SVIL: variants seen among roughly 807,000 people sequenced by gnomAD.
SVIL encodes the protein archvillin.
Under a neutral mutation model 240.4 loss-of-function variants are expected in SVIL, and 101 were observed. The observed-to-expected ratio is 0.42, with a 90% confidence interval of 0.36 to 0.50. SVIL has a LOEUF of 0.50. SVIL is among the 20% of genes least tolerant of loss of function. The pLI, the probability that SVIL is intolerant of heterozygous loss-of-function variation, is 0.01. For missense variants in SVIL, 2,512 were observed against 2,818.7 expected (o/e 0.89, Z 2.46); for synonymous variants, 999 against 1,100.0 (o/e 0.91, Z 1.82).
At chr10:29,722,253 G>C (rs1211191384) in intron 1 of SVIL, among the ~76,000 whole-genome samples, 1 of 147,650 alleles carries the variant, frequency 6.8e-6, no homozygotes, top group East Asian at 2.0e-4. Flanking sequence ...AGAAAGAAAA[G>C]AAAGAAAAAA....
intron 1 of SVIL, among the ~76,000 whole-genome samples, chr10:29,608,501 C>T (rs1199618136): frequency 2.0e-5 from 3 of 152,250 alleles, no homozygotes; most frequent in Admixed American, 6.5e-5. Context: ...AGCTGCCCAG[C>T]CGTGGACCTG....
chr10:29,609,717 C>T lies in SVIL; in HGVS notation c.-201+24703G>A, dbSNP rs374923773. On this transcript the variant is annotated intron_variant, in intron 1 of 37. Coordinates refer to ENST00000355867, the MANE Select transcript of SVIL (RefSeq NM_021738.3). ...TGTGGCACATCTGGTCCAGCCACAG[C>T]CTCAAAGGGAGCTGGCATATGGAGC... Among the ~76,000 whole-genome samples, 72 of 152,370 alleles carry T rather than the reference C, an allele frequency of 4.7e-4. No homozygotes were observed. In the South Asian group the frequency reaches 9.1e-3, roughly 19 times the overall value.
chr10:29,574,957 GAA>G (rs1955622661), intron 1 of SVIL, among the ~76,000 whole-genome samples: 1 of 152,230 alleles, frequency 6.6e-6, no homozygotes, highest in Non-Finnish European at 1.5e-5. Context: ...GGCTCAGAGA[GAA>G]GTCAGTGTCC....
intron 1 of SVIL, among the ~76,000 whole-genome samples, chr10:29,569,799 TAAAA>T: frequency 6.6e-6 from 1 of 152,008 alleles, no homozygotes; most frequent in Non-Finnish European, 1.5e-5. Flanking sequence ...TTGCTCTCAT[TAAAA>T]TCTACACAAT....
intron 3 of SVIL, among the ~76,000 whole-genome samples, chr10:29,640,759 T>G (rs1351044688): frequency 6.6e-6 from 1 of 152,128 alleles, no homozygotes; most frequent in Non-Finnish European, 1.5e-5. Flanking sequence ...AACCTTCCTC[T>G]CTCCTTCCAC....
At chr10:29,584,672 C>A (rs1175880757) in intron 1 of SVIL, among the ~76,000 whole-genome samples, 2 of 152,212 alleles carry the variant, frequency 1.3e-5, no homozygotes, top group Non-Finnish European at 2.9e-5. Flanking sequence ...TAACCTGCGG[C>A]CTTCCCATGG....
At position 29,531,217 on chromosome 10, in the gene SVIL, A is replaced by G. The variant is rs536078343; in HGVS notation, c.2044+37T>C. On this transcript the variant is annotated intron_variant, in intron 10 of 37. Coordinates refer to ENST00000355867, the MANE Select transcript of SVIL (RefSeq NM_021738.3). ...TATTATTAAATCCAGTCTAGATGAG[A>G]TAATAAAGAAGAAAAAAAAGGGAAA... The G allele has an allele frequency of 4.8e-4, 770 of 1,608,204 alleles. 9 individuals are homozygous for G. In the South Asian group the frequency reaches 8.1e-3, roughly 17 times the overall value.
chr10:29,565,152 T>C (rs1479117051), intron 2 of SVIL, among the ~76,000 whole-genome samples: 1 of 152,202 alleles, frequency 6.6e-6, no homozygotes, highest in Non-Finnish European at 1.5e-5. Context: ...AAATGCTATA[T>C]CTTATTTTCA....
chr10:29,648,962 G>A (rs1374596451), intron 3 of SVIL, among the ~76,000 whole-genome samples: 2 of 151,470 alleles, frequency 1.3e-5, no homozygotes, highest in African/African-American at 4.9e-5. Context: ...ACACACTAAG[G>A]CACCCGTCTA....
rs757008121 is a variant in SVIL at position 29,495,142 on chromosome 10, G to A, written c.3704C>T (p.Pro1235Leu). 4.5e-6 allele frequency: 7 copies of A among 1,572,020 alleles called. No homozygotes were observed. The highest frequency in any genetic ancestry group is 1.1e-5 in the South Asian group (1 of 90,244). Reference sequence around the variant, plus strand: ...GGTGCCTCTTGTTTTACCGCAAATGGGTGAGGCTACTGGGGTTATGGCAGT... The same window carrying A: ...GGTGCCTCTTGTTTTACCGCAAATGAGTGAGGCTACTGGGGTTATGGCAGT... ...SPTAITPVASPICGKTRGTTP... is the reference protein window; with the variant it reads ...SPTAITPVASLICGKTRGTTP... The change falls in exon 19 of 38, where the codon CCC becomes CTC. Residue 1235 changes from proline to leucine, a missense_variant. Coordinates refer to ENST00000355867, the MANE Select transcript of SVIL (RefSeq NM_021738.3).
At chr10:29,522,948 T>C (rs1258315554) in intron 15 of SVIL, among the ~76,000 whole-genome samples, 1 of 152,216 alleles carries the variant, frequency 6.6e-6, no homozygotes, top group African/African-American at 2.4e-5. Context: ...CATTCAAATG[T>C]GCTATACTCA....
chr10:29,492,626 T>G (rs913897774), intron 21 of SVIL, among the ~76,000 whole-genome samples: 13 of 152,168 alleles, frequency 8.5e-5, no homozygotes, highest in African/African-American at 3.1e-4. Flanking sequence ...TCTTGGCACT[T>G]GAAATTGACG....
chr10:29,676,802 G>A (rs1369752080), intron 2 of SVIL, among the ~76,000 whole-genome samples: 6 of 152,120 alleles, frequency 3.9e-5, no homozygotes, highest in East Asian at 1.9e-4. Context: ...AGGATGTAAC[G>A]CCCATTTGGC....
chr10:29,493,632 C>G (rs1432085821), intron 20 of SVIL, among the ~76,000 whole-genome samples: 3 of 152,064 alleles, frequency 2.0e-5, no homozygotes, highest in Admixed American at 6.6e-5. Context: ...ACTGCACACA[C>G]GCGCCCACTG....
At chr10:29,480,856 G>A (rs755963353) in intron 28 of SVIL, 43 bp from the exon 29 acceptor site, 36 of 1,573,402 alleles carry the variant, frequency 2.3e-5, no homozygotes, top group Non-Finnish European at 2.8e-5. Flanking sequence ...GCCTGTTTCT[G>A]CAGCTATTCC....
At chr10:29,482,524 G>A (rs1946999345) in intron 27 of SVIL, among the ~76,000 whole-genome samples, 1 of 152,204 alleles carries the variant, frequency 6.6e-6, no homozygotes, top group Non-Finnish European at 1.5e-5. Flanking sequence ...TTTATGTCAT[G>A]TTACAACAAA....
chr10:29,512,107 C>T (rs1379971545), intron 17 of SVIL, among the ~76,000 whole-genome samples: 1 of 152,196 alleles, frequency 6.6e-6, no homozygotes, highest in Non-Finnish European at 1.5e-5. Context: ...TGTGCACTAC[C>T]TGGTCAAAAG....
chr10:29,723,539 C>T (rs2132700183), intron 1 of SVIL, among the ~76,000 whole-genome samples: 1 of 151,948 alleles, frequency 6.6e-6, no homozygotes, highest in East Asian at 1.9e-4. Context: ...AGACTATGAA[C>T]AATGCTTCAG....
At chr10:29,728,317 G>A (rs561927641) in intron 1 of SVIL, among the ~76,000 whole-genome samples, 12 of 152,290 alleles carry the variant, frequency 7.9e-5, no homozygotes, top group African/African-American at 2.4e-4. Context: ...GTACTGCCAC[G>A]GGCAAGGAAA....
Sources: allele counts gnomAD v4.1 joint callset (sites outside exome capture counted in the v4.1 genomes callset), GRCh38; gene constraint gnomAD v4.1.1; transcripts MANE v1.5; gene names NCBI Gene and HGNC (gene_info 2026-07-23, HGNC 2026-07-21).